Variants in EVI5 observed in about 807,000 individuals in gnomAD.
EVI5 encodes the protein ecotropic viral integration site 5 protein homolog.
A neutral mutation model predicts 112.0 loss-of-function variants in EVI5; 73 were observed. The ratio of observed to expected loss-of-function variants is 0.65; its 90% CI spans 0.54 to 0.79. EVI5 has a LOEUF of 0.79. EVI5 is among the 30% of genes least tolerant of loss of function. EVI5 has a pLI of 0.00. For synonymous variants in EVI5, 305 were observed against 319.9 expected (o/e 0.95, Z 0.50); for missense variants, 900 against 968.8 (o/e 0.93, Z 0.94).
intron 2 of EVI5, among the ~76,000 whole-genome samples, chr1:92,722,775 A>G (rs1448835595): frequency 6.6e-6 from 1 of 152,106 alleles, no homozygotes; most frequent in Non-Finnish European, 1.5e-5. Flanking sequence ...TCTCTTCCCA[A>G]AACTTCTGAC....
At position 92,635,883 on chromosome 1, in the gene EVI5, C is replaced by T. The variant is rs1316200141; in HGVS notation, c.1527+319G>A. On this transcript the variant is annotated intron_variant, in intron 14 of 19. Transcript: ENST00000684568. ...AAAATATTGCAATATTTGATGATAA[C>T]AGTTAATTTCTGTCACCTGAGTTTC... 2.0e-5 allele frequency among the ~76,000 whole-genome samples: 3 copies of T among 152,106 alleles called. No homozygotes were observed. In the East Asian group the frequency reaches 5.8e-4, roughly 29 times the overall value.
chr1:92,545,974 C>A (rs1665620399), intron 19 of EVI5, among the ~76,000 whole-genome samples: 1 of 151,952 alleles, frequency 6.6e-6, no homozygotes, highest in Non-Finnish European at 1.5e-5. Context: ...GCCCCATGAT[C>A]AGAGATTTTC....
intron 18 of EVI5, among the ~76,000 whole-genome samples, chr1:92,575,207 C>T (rs1670871544): frequency 6.6e-6 from 1 of 152,156 alleles, no homozygotes; most frequent in African/African-American, 2.4e-5. Flanking sequence ...CACCAATTAC[C>T]ATTTTGCTAC....
At chr1:92,750,730 A>G (rs1367301080) in intron 1 of EVI5, among the ~76,000 whole-genome samples, 1 of 152,192 alleles carries the variant, frequency 6.6e-6, no homozygotes, top group East Asian at 1.9e-4. Flanking sequence ...AAAAAAAGTA[A>G]TATTTTATCT....
At chr1:92,681,274 C>T (rs1269425341) in intron 9 of EVI5, among the ~76,000 whole-genome samples, 3 of 152,084 alleles carry the variant, frequency 2.0e-5, no homozygotes, top group Admixed American at 2.0e-4. Flanking sequence ...AGATAAAGGG[C>T]ACAATATCTC....
chr1:92,538,545 C>T (rs1664262077), intron 19 of EVI5, among the ~76,000 whole-genome samples: 1 of 152,158 alleles, frequency 6.6e-6, no homozygotes, highest in South Asian at 2.1e-4. Context: ...ACCAAATATG[C>T]ACCTAGTGTT....
chr1:92,573,361 T>A (rs916300540), intron 18 of EVI5, among the ~76,000 whole-genome samples: 11 of 152,126 alleles, frequency 7.2e-5, no homozygotes, highest in African/African-American at 2.7e-4. Context: ...AACTATTTTT[T>A]AAAACATAAA....
At chr1:92,747,611 G>A (rs1313559960) in intron 1 of EVI5, among the ~76,000 whole-genome samples, 1 of 150,604 alleles carries the variant, frequency 6.6e-6, no homozygotes, top group African/African-American at 2.4e-5. Context: ...CTACTTGAGA[G>A]GCTGAGACAG....
intron 14 of EVI5, among the ~76,000 whole-genome samples, chr1:92,632,656 T>C (rs540996216): frequency 6.6e-6 from 1 of 152,350 alleles, no homozygotes; most frequent in Non-Finnish European, 1.5e-5. Context: ...TGAAGGGCTT[T>C]TTATGTCTCT....
chr1:92,590,450 G>A (rs988399116), intron 18 of EVI5, among the ~76,000 whole-genome samples: 61 of 152,308 alleles, frequency 4.0e-4, no homozygotes, highest in African/African-American at 1.1e-3. Flanking sequence ...ACCACGGCAC[G>A]AGAACTACGT....
Position 92,741,733 on chromosome 1 carries a change from A to C in EVI5, c.-81-5106T>G, listed in dbSNP as rs1678440570. 1.3e-5 allele frequency among the ~76,000 whole-genome samples: 2 copies of C among 152,184 alleles called. 1 individual carries two copies. Among genetic ancestry groups the C allele is most frequent in the South Asian group, 4.1e-4 (2 of 4,828 alleles). The stretch of plus-strand genomic sequence containing the variant: ...ACATTATTTCATATTAACTCATTTT[A>C]GTGCTCATTCATAATTCTATAAAGT... On this transcript the variant is annotated intron_variant, in intron 1 of 19. Coordinates refer to ENST00000684568, the MANE Select transcript of EVI5 (RefSeq NM_001350197.2).
Position 92,509,066 on chromosome 1 carries a change from G to A in EVI5, c.*4590C>T, listed in dbSNP as rs199609472. 1.3e-5 allele frequency: 2 copies of A among 152,162 alleles called. No individual in the cohort carries two copies. Among genetic ancestry groups the A allele is most frequent in the Admixed American group, 6.5e-5 (1 of 15,274 alleles). 9.4% of individuals were successfully genotyped at this position (152,162 alleles called of 1,614,324 possible). ...AAGTAAATAACTGATTTCATGAAAT[G>A]TTCGCTGTCAATGTCTGGTATGTTA... On this transcript the variant is annotated 3_prime_UTR_variant, in exon 20 of 20. Transcript: ENST00000684568.
At chr1:92,722,557 C>G (rs2102706740) in intron 2 of EVI5, among the ~76,000 whole-genome samples, 1 of 148,594 alleles carries the variant, frequency 6.7e-6, no homozygotes, top group South Asian at 2.2e-4. Flanking sequence ...TGAGTGAGAA[C>G]ATGCAGTGTT....
At chr1:92,635,931 C>G (rs1259462840) in intron 14 of EVI5, among the ~76,000 whole-genome samples, 1 of 152,184 alleles carries the variant, frequency 6.6e-6, no homozygotes, top group African/African-American at 2.4e-5. Flanking sequence ...CATTTAGATA[C>G]TCTTTTTATG....
At chr1:92,541,996 T>TG (rs1340393336) in intron 19 of EVI5, among the ~76,000 whole-genome samples, 1 of 152,168 alleles carries the variant, frequency 6.6e-6, no homozygotes, top group African/African-American at 2.4e-5. Context: ...TACTGAAGGT[T>TG]GGGGTGGTTG....
chr1:92,765,509 G>T (rs1570850199), intron 1 of EVI5, among the ~76,000 whole-genome samples: 1 of 146,178 alleles, frequency 6.8e-6, no homozygotes, highest in Non-Finnish European at 1.5e-5. Flanking sequence ...TAAATATCAA[G>T]ACACATATTT....
chr1:92,600,145 T>C (rs1292894720), intron 18 of EVI5, among the ~76,000 whole-genome samples: 1 of 152,200 alleles, frequency 6.6e-6, no homozygotes, highest in African/African-American at 2.4e-5. Context: ...GTTTTATACT[T>C]ACTTAGACTT....
At chr1:92,725,318 G>A (rs1675396995) in intron 2 of EVI5, among the ~76,000 whole-genome samples, 1 of 152,104 alleles carries the variant, frequency 6.6e-6, no homozygotes, top group South Asian at 2.1e-4. Flanking sequence ...GACACATTGG[G>A]AAGAGTACAC....
At chr1:92,716,150 C>T (rs774221011) in intron 2 of EVI5, among the ~76,000 whole-genome samples, 4 of 152,196 alleles carry the variant, frequency 2.6e-5, no homozygotes, top group Non-Finnish European at 5.9e-5. Flanking sequence ...AACAGACAGA[C>T]TGCCTCCTCA....
Sources: allele counts gnomAD v4.1 joint callset (sites outside exome capture counted in the v4.1 genomes callset), GRCh38; gene constraint gnomAD v4.1.1; transcripts MANE v1.5; gene names NCBI Gene and HGNC (gene_info 2026-07-23, HGNC 2026-07-21).